TBC1D15: variants seen among roughly 807,000 people sequenced by gnomAD.
The protein encoded by TBC1D15 is TBC1 domain family member 15, also known as GAP for RAB7.
In TBC1D15, 39 loss-of-function variants were observed where a neutral mutation model predicts 95.4. The observed-to-expected ratio is 0.41, with a 90% CI of 0.32 to 0.53. The LOEUF is 0.53. Ranked by LOEUF, TBC1D15 falls within the 20% of genes least tolerant of loss-of-function variation. The pLI is 0.29. For missense variants in TBC1D15, 733 were observed against 794.3 expected (o/e 0.92, Z 0.93); for synonymous variants, 258 against 261.3 (o/e 0.99, Z 0.12).
chr12:71,845,673 G>A (rs564797465), intron 1 of TBC1D15, among the ~76,000 whole-genome samples: 24 of 152,282 alleles, frequency 1.6e-4, no homozygotes, highest in Admixed American at 2.6e-4. Flanking sequence ...ATGCCAAATA[G>A]TTTTGAAAGA....
chr12:71,852,264 C>T (rs328777), intron 1 of TBC1D15, among the ~76,000 whole-genome samples: 4,187 of 152,254 alleles, frequency 0.028, 196 homozygotes, highest in African/African-American at 0.094. Context: ...GGAGCAGTGT[C>T]CTGAGGTTGT....
chr12:71,858,706 C>A (rs756547886), intron 1 of TBC1D15, among the ~76,000 whole-genome samples: 3 of 151,852 alleles, frequency 2.0e-5, no homozygotes, highest in Non-Finnish European at 4.4e-5. Context: ...AAGCATGTGC[C>A]ACCATGCCTG....
intron 1 of TBC1D15, chr12:71,854,718 T>C: frequency 2.2e-6 from 1 of 455,506 alleles, no homozygotes; most frequent in Non-Finnish European, 4.4e-6. Context: ...TTTTCTTCCT[T>C]CTCATTGATA....
rs543830830 is a variant in TBC1D15 at position 71,911,036 on chromosome 12, T to C, written c.1301-2790T>C. On this transcript the variant is annotated intron_variant, in intron 11 of 16. Transcript: ENST00000485960. ...CACACGAAAAAATGCTCACCATCAC[T>C]GGCCATCAGAGAAATGCAAATCAAA... Among the ~76,000 whole-genome samples the C allele has an allele frequency of 2.0e-5, 3 of 152,302 alleles. No individual in the cohort carries two copies. The East Asian group carries it at 5.8e-4, about 29-fold the overall frequency.
intron 1 of TBC1D15, among the ~76,000 whole-genome samples, chr12:71,846,494 A>G (rs1291555003): frequency 2.0e-5 from 3 of 152,194 alleles, no homozygotes; most frequent in Non-Finnish European, 4.4e-5. Context: ...TAATTGCTTC[A>G]TAAAAGTTTG....
intron 1 of TBC1D15, among the ~76,000 whole-genome samples, chr12:71,864,127 T>C (rs1890965104): frequency 6.6e-6 from 1 of 152,048 alleles, no homozygotes; most frequent in African/African-American, 2.4e-5. Context: ...TAAAGTGCAA[T>C]GGCACCATCT....
chr12:71,883,836 T>G (rs1160301799), intron 4 of TBC1D15, among the ~76,000 whole-genome samples: 3 of 152,180 alleles, frequency 2.0e-5, no homozygotes, highest in Non-Finnish European at 4.4e-5. Context: ...AGATTAGAAG[T>G]GAATTATAAG....
intron 1 of TBC1D15, among the ~76,000 whole-genome samples, chr12:71,855,623 G>A (rs893957674): frequency 2.0e-4 from 26 of 129,260 alleles, no homozygotes; most frequent in Non-Finnish European, 3.7e-4. Flanking sequence ...AGCCAAGATC[G>A]CACCACTGCA....
intron 5 of TBC1D15, among the ~76,000 whole-genome samples, chr12:71,886,599 G>A (rs951958161): frequency 6.6e-6 from 1 of 152,190 alleles, no homozygotes; most frequent in African/African-American, 2.4e-5. Flanking sequence ...GAAGATTCTC[G>A]ACTGTGTATT....
intron 12 of TBC1D15, among the ~76,000 whole-genome samples, chr12:71,917,021 T>G (rs903861929): frequency 6.6e-5 from 10 of 152,302 alleles, no homozygotes; most frequent in African/African-American, 2.4e-4. Context: ...TCACTTTTTT[T>G]TAATGAAAAG....
rs111938049 is a variant in TBC1D15 at position 71,855,787 on chromosome 12, C to A, written c.30+15976C>A. Among the ~76,000 whole-genome samples the A allele has an allele frequency of 5.3e-3, 808 of 151,388 alleles. 3 individuals carry two copies. Among genetic ancestry groups the A allele is most frequent in the African/African-American group, 0.019 (774 of 41,236 alleles). ...AACTTTTATCATAATCACTTTCTTG[C>A]ATTTCTTTATTAGTAGTAGTATTAA... On this transcript the variant is annotated intron_variant, in intron 1 of 16. Transcript: ENST00000485960.
chr12:71,885,040 T>C lies in TBC1D15; in HGVS notation c.554+19T>C. ...TGTGTGAGTAAGTATCATATTATTT[T>C]CTACTTATTGAAACCAGATCATTGT... On this transcript the variant is annotated intron_variant, in intron 5 of 16. Coordinates refer to ENST00000485960, the MANE Select transcript of TBC1D15 (RefSeq NM_001146213.3). The C allele has an allele frequency of 6.2e-7, 1 of 1,609,380 alleles. No individual in the cohort carries two copies. The highest frequency in any genetic ancestry group is 8.5e-7 in the Non-Finnish European group (1 of 1,177,140).
At chr12:71,907,551 A>G (rs1384052340) in intron 11 of TBC1D15, 1 of 155,546 alleles carries the variant, frequency 6.4e-6, no homozygotes, top group African/African-American at 2.4e-5. Flanking sequence ...TAGCCAGTTG[A>G]ATTTTAAGGT....
rs541906016 is a variant in TBC1D15 at position 71,917,014 on chromosome 12, CT to C, written c.1402-676del. On this transcript the variant is annotated intron_variant, in intron 12 of 16. Transcript: ENST00000485960. ...ACACATTCTACCTTAACATAGATCACTTTTTTTTAATGAAAAGTAACCTTTC... is the reference window on the plus strand; with the variant it reads ...ACACATTCTACCTTAACATAGATCACTTTTTTTAATGAAAAGTAACCTTTC... Among the ~76,000 whole-genome samples the C allele has an allele frequency of 2.6e-4, 40 of 151,914 alleles. 1 individual carries two copies. The South Asian group carries it at 5.6e-3, about 21-fold the overall frequency.
intron 1 of TBC1D15, among the ~76,000 whole-genome samples, chr12:71,853,056 A>G (rs1476412489): frequency 3.3e-5 from 5 of 152,240 alleles, no homozygotes; most frequent in African/African-American, 1.2e-4. Flanking sequence ...TGGGCAATTT[A>G]TAGAGAAAAG....
chr12:71,891,254 G>A (rs931080716), intron 5 of TBC1D15, among the ~76,000 whole-genome samples: 1 of 152,110 alleles, frequency 6.6e-6, no homozygotes, highest in Non-Finnish European at 1.5e-5. Context: ...TTTGGGACAG[G>A]CTCACACCAA....
chr12:71,918,676 T>G (rs1868266277), intron 14 of TBC1D15, 128 bp downstream of exon 14: 2 of 579,102 alleles, frequency 3.5e-6, no homozygotes, highest in Non-Finnish European at 5.8e-6. Flanking sequence ...AAAATTCTGA[T>G]GAACTGGTAG....
intron 5 of TBC1D15, among the ~76,000 whole-genome samples, chr12:71,888,724 A>C (rs1311895409): frequency 6.6e-6 from 1 of 152,116 alleles, no homozygotes; most frequent in African/African-American, 2.4e-5. Context: ...GAATTATGCC[A>C]AGCATGCACC....
chr12:71,890,700 G>A (rs1432387112), intron 5 of TBC1D15, among the ~76,000 whole-genome samples: 1 of 152,066 alleles, frequency 6.6e-6, no homozygotes, highest in Non-Finnish European at 1.5e-5. Context: ...TCAACAACCC[G>A]ATCTAGTCAG....
Sources: gnomAD v4.1 joint callset for allele counts (sites outside exome capture counted in the v4.1 genomes callset) on GRCh38, gnomAD v4.1.1 for gene constraint, MANE v1.5 for transcripts, NCBI Gene and HGNC (gene_info 2026-07-23, HGNC 2026-07-21) for gene names.